The following ERC1 variants were observed in gnomAD, a reference collection of about 807,000 sequenced individuals.
The protein encoded by ERC1 is RAB6 interacting protein 2.
In ERC1, 56 loss-of-function variants were observed where a neutral mutation model predicts 132.0. The observed-to-expected ratio is 0.42, with a 90% CI of 0.34 to 0.53. The LOEUF is 0.53. ERC1 is among the 20% of genes least tolerant of loss of function. The pLI, the probability that ERC1 is intolerant of heterozygous loss-of-function variation, is 0.03. For missense variants in ERC1, 1,202 were observed against 1,349.9 expected (o/e 0.89, Z 1.72); for synonymous variants, 478 against 476.1 (o/e 1.00, Z -0.05).
chr12:1,427,029 T>C (rs180762845), intron 17 of ERC1, among the ~76,000 whole-genome samples: 1 of 152,212 alleles, frequency 6.6e-6, no homozygotes, highest in Admixed American at 6.5e-5. Flanking sequence ...ACTTTATTCT[T>C]AACTAGAATT....
At chr12:1,001,853 CT>C (rs869097939) in intron 1 of ERC1, among the ~76,000 whole-genome samples, 4,415 of 109,046 alleles carry the variant, frequency 0.04, 41 homozygotes, top group Middle Eastern at 0.11. Flanking sequence ...CTTGTAAAGT[CT>C]TTTTTTTTTT....
intron 8 of ERC1, among the ~76,000 whole-genome samples, chr12:1,143,531 T>C (rs546733029): frequency 2.0e-5 from 3 of 152,222 alleles, no homozygotes; most frequent in South Asian, 4.1e-4. Context: ...TTTTGTGATA[T>C]ATGTTAATAG....
chr12:1,195,886 C>A (rs1356151264), intron 12 of ERC1, among the ~76,000 whole-genome samples: 1 of 144,588 alleles, frequency 6.9e-6, no homozygotes, highest in Non-Finnish European at 1.5e-5. Context: ...CCCCCCCCCC[C>A]CTTTTTTTGT....
At chr12:1,456,157 T>C (rs993181015) in intron 18 of ERC1, among the ~76,000 whole-genome samples, 2 of 152,238 alleles carry the variant, frequency 1.3e-5, no homozygotes, top group African/African-American at 4.8e-5. Flanking sequence ...CATGTAGTTA[T>C]AAAGTGAACG....
chr12:1,187,618 T>C (rs1010385761), intron 11 of ERC1, among the ~76,000 whole-genome samples: 1 of 152,172 alleles, frequency 6.6e-6, no homozygotes, highest in African/African-American at 2.4e-5. Context: ...TGCACTTATA[T>C]TTAATTACTG....
chr12:1,429,615 A>G (rs1265014778), intron 17 of ERC1, among the ~76,000 whole-genome samples: 2 of 152,218 alleles, frequency 1.3e-5, no homozygotes, highest in Non-Finnish European at 2.9e-5. Context: ...TACATGTTTC[A>G]AGACATTGAA....
intron 16 of ERC1, among the ~76,000 whole-genome samples, chr12:1,400,906 CTATTTTTGTATTTT>C (rs1566774672): frequency 3.8e-5 from 2 of 52,902 alleles, no homozygotes; most frequent in Admixed American, 1.8e-4. Context: ...ATTGTTTTGG[CTATTTTTGTATTTT>C]TTTTTTTTTT....
chr12:1,168,507 G>T (rs2154264564), intron 8 of ERC1, among the ~76,000 whole-genome samples: 1 of 142,288 alleles, frequency 7.0e-6, no homozygotes, highest in East Asian at 2.1e-4. Flanking sequence ...TTTTGGAGGA[G>T]GAGTCTTGCT....
At chr12:1,173,662 C>T (rs1953338225) in intron 8 of ERC1, among the ~76,000 whole-genome samples, 2 of 152,138 alleles carry the variant, frequency 1.3e-5, no homozygotes, top group African/African-American at 4.8e-5. Flanking sequence ...TGGCATAATA[C>T]ATACTGAAAT....
intron 2 of ERC1, among the ~76,000 whole-genome samples, chr12:1,079,234 A>T (rs369821841): frequency 4.0e-5 from 6 of 149,110 alleles, no homozygotes; most frequent in Admixed American, 6.6e-5. Context: ...ATTTGTAATA[A>T]GACAAAAGTC....
intron 14 of ERC1, among the ~76,000 whole-genome samples, chr12:1,267,657 G>A (rs1392462168): frequency 6.6e-6 from 1 of 152,142 alleles, no homozygotes; most frequent in African/African-American, 2.4e-5. Flanking sequence ...AGCTACTTGA[G>A]GGACTGAGGT....
chr12:1,348,729 G>T (rs923702219), intron 15 of ERC1, among the ~76,000 whole-genome samples: 57 of 151,888 alleles, frequency 3.8e-4, no homozygotes, highest in Non-Finnish European at 7.1e-4. Context: ...ACAATATAAT[G>T]CAACAAGATT....
chr12:1,394,025 A>AC (rs200921512), intron 16 of ERC1, among the ~76,000 whole-genome samples: 8,939 of 115,920 alleles, frequency 0.077, 927 homozygotes, highest in African/African-American at 0.23. Flanking sequence ...CAAAAAAAAA[A>AC]AAAAAAAACA....
chr12:1,076,147 T>C (rs1941300655), intron 2 of ERC1, among the ~76,000 whole-genome samples: 3 of 152,206 alleles, frequency 2.0e-5, no homozygotes, highest in Non-Finnish European at 4.4e-5. Context: ...GTTTTACCCA[T>C]TTGTGAGCTT....
intron 3 of ERC1, among the ~76,000 whole-genome samples, chr12:1,095,548 C>CA (rs961292927): frequency 6.6e-6 from 1 of 151,650 alleles, no homozygotes; most frequent in Non-Finnish European, 1.5e-5. Flanking sequence ...TGGACTAAGA[C>CA]AAAAAAAGAC....
At chr12:1,024,681 C>A (rs939755403) in intron 1 of ERC1, among the ~76,000 whole-genome samples, 1 of 151,268 alleles carries the variant, frequency 6.6e-6, no homozygotes, top group Non-Finnish European at 1.5e-5. Flanking sequence ...TGAAATGATG[C>A]TAGGAAATCA....
chr12:1,401,136 G>T (rs1038858920), intron 16 of ERC1, among the ~76,000 whole-genome samples: 4 of 141,096 alleles, frequency 2.8e-5, no homozygotes, highest in Admixed American at 1.3e-4. Context: ...GGGGTTTCAC[G>T]TGTTAGCCAG....
intron 7 of ERC1, among the ~76,000 whole-genome samples, chr12:1,129,576 A>G (rs1948556850): frequency 6.6e-6 from 1 of 152,192 alleles, no homozygotes; most frequent in Non-Finnish European, 1.5e-5. Flanking sequence ...CGTGTAAAGG[A>G]TTAACAATTA....
Position 1,236,902 on chromosome 12 carries a change from C to A in ERC1, c.2485C>A (p.Gln829Lys), listed in dbSNP as rs201360261. 140 of 1,613,866 alleles carry A rather than the reference C, an allele frequency of 8.7e-5. No homozygotes were observed. The highest frequency in any genetic ancestry group is 3.3e-4 in the Admixed American group (20 of 59,972). Residue 829 changes from glutamine to lysine, a missense_variant and splice_region_variant, in exon 13 of 19, where the codon CAG becomes AAG. Gln to Lys is a moderately conservative substitution (Grantham distance 53). Coordinates refer to ENST00000360905, the MANE Select transcript of ERC1 (RefSeq NM_178040.4). ...DNLNDSSQQL[Q>K]DSLRKKDDRI... ...TCTCAACGACAGCTCTCAGCAGCTA[C>A]AGGTTAGAACACAAGGAGAATCTGA...
Sources: gnomAD v4.1 joint callset for allele counts (sites outside exome capture counted in the v4.1 genomes callset) on GRCh38, gnomAD v4.1.1 for gene constraint, MANE v1.5 for transcripts, NCBI Gene and HGNC (gene_info 2026-07-23, HGNC 2026-07-21) for gene names.